The following PDE4D variants were observed in gnomAD, a reference collection of about 807,000 sequenced individuals.
PDE4D encodes phosphodiesterase 4D.
In PDE4D, 24 loss-of-function variants were observed where a neutral mutation model predicts 87.4. That is an observed-to-expected ratio of 0.27 (90% CI 0.20 to 0.39). PDE4D has a LOEUF of 0.39. PDE4D is among the 10% of genes least tolerant of loss of function. PDE4D has a pLI of 1.00. For synonymous variants in PDE4D, 384 were observed against 383.2 expected, an observed-to-expected ratio of 1.00 and a Z score of -0.02; for missense variants, 714 against 1,041.0, an observed-to-expected ratio of 0.69 and a Z score of 4.32.
chr5:59,671,810 G>GAA (rs113705465), intron 1 of PDE4D, among the ~76,000 whole-genome samples: 5 of 121,648 alleles, frequency 4.1e-5, no homozygotes, highest in Admixed American at 8.4e-5. Context: ...CTGTCTCAAG[G>GAA]AAAAAAAAAA....
At chr5:59,439,125 G>A (rs1582608342) in intron 1 of PDE4D, among the ~76,000 whole-genome samples, 1 of 152,210 alleles carries the variant, frequency 6.6e-6, no homozygotes, top group Non-Finnish European at 1.5e-5. Flanking sequence ...TTGGGAAGCC[G>A]ACGTGGGTGG....
At chr5:59,087,327 T>A (rs925295040) in intron 5 of PDE4D, among the ~76,000 whole-genome samples, 40 of 152,022 alleles carry the variant, frequency 2.6e-4, no homozygotes, top group Admixed American at 1.4e-3. Context: ...TCTACAAAAA[T>A]TTTTAAAAAT....
At chr5:60,009,878 G>A (rs755593903) in intron 2 of PDE4D, among the ~76,000 whole-genome samples, 15 of 152,008 alleles carry the variant, frequency 9.9e-5, no homozygotes, top group Non-Finnish European at 8.8e-5. Context: ...CACATTTCAC[G>A]TTTTGTTTAT....
intron 1 of PDE4D, among the ~76,000 whole-genome samples, chr5:59,291,740 T>TTG (rs1768070264): frequency 1.9e-5 from 2 of 106,644 alleles, no homozygotes; most frequent in African/African-American, 6.8e-5. Flanking sequence ...AAAAAGAAGT[T>TTG]TTTTTTTTTT....
At chr5:60,024,898 GA>G (rs34871461) in intron 2 of PDE4D, among the ~76,000 whole-genome samples, 75,219 of 148,402 alleles carry the variant, frequency 0.51, 19,172 homozygotes, top group East Asian at 0.82. Context: ...AACAAGCAGA[GA>G]AAAAAAAAAA....
At chr5:59,907,151 T>A (rs990053026) in intron 3 of PDE4D, among the ~76,000 whole-genome samples, 1 of 152,156 alleles carries the variant, frequency 6.6e-6, no homozygotes, top group African/African-American at 2.4e-5. Context: ...TACTGGTCCC[T>A]TTTCTCCTAA....
At chr5:58,988,178 A>T (rs1434854912) in intron 11 of PDE4D, among the ~76,000 whole-genome samples, 3 of 152,188 alleles carry the variant, frequency 2.0e-5, no homozygotes, top group African/African-American at 7.2e-5. Context: ...CTTTTTTTTT[A>T]ATTTAAAACT....
At chr5:59,510,489 A>C (rs989603799) in intron 1 of PDE4D, among the ~76,000 whole-genome samples, 51 of 151,858 alleles carry the variant, frequency 3.4e-4, no homozygotes, top group African/African-American at 1.2e-3. Flanking sequence ...CAACAAAAAA[A>C]TTTTAAAGAG....
chr5:60,161,688 T>C (rs1301296746), intron 2 of PDE4D, among the ~76,000 whole-genome samples: 2 of 152,174 alleles, frequency 1.3e-5, no homozygotes, highest in Non-Finnish European at 2.9e-5. Context: ...ACTACACTCA[T>C]TTACAGTGCC....
At chr5:59,855,983 G>A (rs991838495) in intron 1 of PDE4D, among the ~76,000 whole-genome samples, 13 of 152,146 alleles carry the variant, frequency 8.5e-5, no homozygotes, top group African/African-American at 3.1e-4. Context: ...ACATATTACA[G>A]CTTAGGACTA....
intron 1 of PDE4D, among the ~76,000 whole-genome samples, chr5:59,269,744 A>G (rs1436762930): frequency 6.6e-6 from 1 of 152,104 alleles, no homozygotes; most frequent in Admixed American, 6.6e-5. Context: ...TTTTACTTAT[A>G]TATTTCACAC....
chr5:60,291,989 T>G lies in PDE4D; in HGVS notation c.-89-106302A>C, dbSNP rs146615826. Reference sequence around the variant, plus strand: ...CATAATAGAGACACATTATACAGACTTTTTCGTTACATAGGGAAACATTCC... The same window carrying G: ...CATAATAGAGACACATTATACAGACGTTTTCGTTACATAGGGAAACATTCC... On this transcript the variant is annotated intron_variant, in intron 1 of 16. Transcript: ENST00000502484. Among the ~76,000 whole-genome samples the G allele has an allele frequency of 2.9e-3, 436 of 152,246 alleles. 2 individuals carry two copies. The highest frequency in any genetic ancestry group is 9.7e-3 in the African/African-American group (405 of 41,560).
intron 1 of PDE4D, among the ~76,000 whole-genome samples, chr5:59,683,696 T>G (rs548064059): frequency 6.6e-6 from 1 of 152,364 alleles, no homozygotes; most frequent in South Asian, 2.1e-4. Flanking sequence ...TTTGGCCTTA[T>G]GCCCTATATT....
chr5:59,374,904 A>G (rs1784466213), intron 1 of PDE4D, among the ~76,000 whole-genome samples: 1 of 152,198 alleles, frequency 6.6e-6, no homozygotes, highest in African/African-American at 2.4e-5. Context: ...TGGAAATTGA[A>G]TGCCTTTTCT....
At chr5:60,141,592 G>T (rs1464289976) in intron 2 of PDE4D, among the ~76,000 whole-genome samples, 1 of 152,090 alleles carries the variant, frequency 6.6e-6, no homozygotes, top group Non-Finnish European at 1.5e-5. Flanking sequence ...ACAAGAGCTT[G>T]CTTACCCCCT....
At chr5:59,710,701 T>C (rs929895843) in intron 1 of PDE4D, among the ~76,000 whole-genome samples, 1 of 152,168 alleles carries the variant, frequency 6.6e-6, no homozygotes, top group African/African-American at 2.4e-5. Flanking sequence ...AAATACTCCA[T>C]TGGTGTAGTT....
At chr5:59,198,608 C>T (rs1746017724) in intron 2 of PDE4D, among the ~76,000 whole-genome samples, 1 of 152,176 alleles carries the variant, frequency 6.6e-6, no homozygotes. Flanking sequence ...AAGAGAAAGA[C>T]TTGCTGAGTC....
chr5:59,838,383 G>A (rs1234893746), intron 1 of PDE4D, among the ~76,000 whole-genome samples: 2 of 152,042 alleles, frequency 1.3e-5, no homozygotes, highest in Admixed American at 6.6e-5. Flanking sequence ...ATCCCCATAA[G>A]GGATGCCGGA....
chr5:59,263,109 C>G (rs1455111855), intron 1 of PDE4D, among the ~76,000 whole-genome samples: 1 of 151,754 alleles, frequency 6.6e-6, no homozygotes, highest in Non-Finnish European at 1.5e-5. Context: ...AGTACAATCT[C>G]CTGAAAAGTG....
Sources: allele counts gnomAD v4.1 joint callset (sites outside exome capture counted in the v4.1 genomes callset), GRCh38; gene constraint gnomAD v4.1.1; transcripts MANE v1.5; gene names NCBI Gene and HGNC (gene_info 2026-07-23, HGNC 2026-07-21).